RBM19: variants seen among roughly 807,000 people sequenced by gnomAD.
RBM19 encodes the protein probable RNA-binding protein 19.
RBM19 carries 94 observed loss-of-function variants against 116.8 expected under a neutral mutation model. The observed-to-expected ratio is 0.80, with a 90% CI of 0.68 to 0.95. RBM19 has a LOEUF of 0.95. Among genes scored for constraint, RBM19 ranks in the 40% least tolerant of loss-of-function variants. RBM19 has a pLI of 0.00. For synonymous variants in RBM19, 475 were observed against 494.1 expected (o/e 0.96, Z 0.51); for missense variants, 1,161 against 1,220.7 (o/e 0.95, Z 0.73).
At chr12:113,925,546 A>C (rs1159092947) in intron 17 of RBM19, among the ~76,000 whole-genome samples, 1 of 152,226 alleles carries the variant, frequency 6.6e-6, no homozygotes, top group African/African-American at 2.4e-5. Flanking sequence ...GCTGGGATCC[A>C]AGCCCAGGTA....
rs116222906 is a variant in RBM19, at chr12:113,883,074, C to T, written c.2559-24178G>A. Among the ~76,000 whole-genome samples, 1,271 of 152,080 alleles carry T rather than the reference C, an allele frequency of 8.4e-3. 13 individuals carry two copies. Among genetic ancestry groups the T allele is most frequent in the African/African-American group, 0.029 (1,214 of 41,470 alleles). On this transcript the variant is annotated intron_variant, in intron 21 of 23. Coordinates refer to ENST00000261741, the MANE Select transcript of RBM19 (RefSeq NM_016196.4). ...AGAGAGAGAGGGAAGGAGAGAGAGA[C>T]AGACAGAGAGAGGTTGTAGGGAACG... is the stretch of plus-strand genomic sequence containing the variant.
At chr12:113,828,837 G>A (rs547018562) in intron 23 of RBM19, among the ~76,000 whole-genome samples, 2 of 152,188 alleles carry the variant, frequency 1.3e-5, no homozygotes, top group East Asian at 1.9e-4. Flanking sequence ...CAGCCCCCAC[G>A]GGCAGAGCTC....
At chr12:113,933,474 G>A (rs1229933536) in intron 16 of RBM19, among the ~76,000 whole-genome samples, 2 of 152,196 alleles carry the variant, frequency 1.3e-5, no homozygotes, top group Non-Finnish European at 2.9e-5. Flanking sequence ...CGATGACGCG[G>A]GACACAGCGG....
At position 113,947,447 on chromosome 12, in the gene RBM19, G is replaced by A. The variant is rs766314371; in HGVS notation, c.1294C>T (p.His432Tyr). The A allele has an allele frequency of 6.2e-6, 10 of 1,606,384 alleles. 1 individual carries two copies. The South Asian group carries it at 9.9e-5, about 16-fold the overall frequency. ...FSKYGPLSELHYPIDSLTKKP... is the reference protein window; with the variant it reads ...FSKYGPLSELYYPIDSLTKKP... ...TTGGTCAGGCTGTCGATGGGGTAGTGGAGCTCAGACAGGGGACCTGAGGAC... is the reference window on the plus strand; with the variant it reads ...TTGGTCAGGCTGTCGATGGGGTAGTAGAGCTCAGACAGGGGACCTGAGGAC... Residue 432 changes from histidine to tyrosine, a missense_variant, in exon 11 of 24, where the codon CAC becomes TAC. Coordinates refer to ENST00000261741, the MANE Select transcript of RBM19 (RefSeq NM_016196.4).
At chr12:113,860,946 C>T (rs989194429) in intron 21 of RBM19, among the ~76,000 whole-genome samples, 1 of 152,156 alleles carries the variant, frequency 6.6e-6, no homozygotes, top group Non-Finnish European at 1.5e-5. Flanking sequence ...GACATTACCA[C>T]GGGTAAATTA....
intron 10 of RBM19, 124 bp from the exon 11 acceptor site, chr12:113,947,588 G>T: frequency 9.6e-7 from 1 of 1,043,968 alleles, no homozygotes; most frequent in Non-Finnish European, 1.3e-6. Flanking sequence ...AGTCCCCTAC[G>T]TGTGTCTATC....
intron 21 of RBM19, among the ~76,000 whole-genome samples, chr12:113,870,811 A>G (rs187411535): frequency 4.3e-4 from 66 of 152,288 alleles, no homozygotes; most frequent in African/African-American, 1.5e-3. Context: ...ACTGGTCAAG[A>G]GGAAGACATC....
At chr12:113,951,804 T>C (rs2135929134) in intron 8 of RBM19, among the ~76,000 whole-genome samples, 1 of 152,338 alleles carries the variant, frequency 6.6e-6, no homozygotes, top group South Asian at 2.1e-4. Context: ...TCCCCAGATG[T>C]CAGCCTAGGT....
intron 5 of RBM19, among the ~76,000 whole-genome samples, chr12:113,958,936 T>A (rs3825212): frequency 0.042 from 6,357 of 152,338 alleles, 330 homozygotes; most frequent in Admixed American, 0.15. Flanking sequence ...CATAGGGGAA[T>A]AAACCCTTCT....
rs759642567 is a variant in RBM19, at chr12:113,952,514, G to A, written c.998C>T (p.Thr333Ile). 2.2e-5 allele frequency: 36 copies of A among 1,612,720 alleles called. No homozygotes were observed. The Middle Eastern group carries it at 4.8e-3, about 214-fold the overall frequency. Residue 333 changes from threonine (T) to isoleucine (I), a missense_variant and splice_region_variant, in exon 8 of 24, where the codon ACA (threonine) becomes ATA (isoleucine). By Grantham distance (89) the Thr-to-Ile change is moderately conservative. Transcript: ENST00000261741. ...CCTGGAAACATCCTGGATCTTACCT[G>A]TTTTATTCCCATGAGCGTTTCTCAC... ...RIVRNAHGNK[T>I]GYIFVDFSNE...
chr12:113,964,812 G>T (rs1872739386), intron 1 of RBM19, among the ~76,000 whole-genome samples: 1 of 152,032 alleles, frequency 6.6e-6, no homozygotes, highest in Non-Finnish European at 1.5e-5. Context: ...CAATGAAGAT[G>T]GTTACTCCTG....
At chr12:113,959,457 A>G in intron 4 of RBM19, 53 bp from the exon 5 acceptor site, 1 of 1,550,390 alleles carries the variant, frequency 6.4e-7, no homozygotes, top group South Asian at 1.2e-5. Context: ...AGAGAGGAAG[A>G]GGCAGAGAAG....
intron 21 of RBM19, among the ~76,000 whole-genome samples, chr12:113,869,722 A>C (rs948756209): frequency 2.0e-4 from 30 of 152,338 alleles, no homozygotes; most frequent in African/African-American, 7.0e-4. Context: ...TAAAGAGGAA[A>C]AAAAAAACCC....
intron 23 of RBM19, among the ~76,000 whole-genome samples, chr12:113,823,624 G>A (rs142847749): frequency 2.0e-5 from 3 of 152,210 alleles, no homozygotes; most frequent in South Asian, 2.1e-4. Context: ...TCACCATGGC[G>A]GGGCTGCCTC....
At chr12:113,857,819 C>T (rs1878024922) in intron 22 of RBM19, among the ~76,000 whole-genome samples, 2 of 152,236 alleles carry the variant, frequency 1.3e-5, no homozygotes, top group African/African-American at 4.8e-5. Flanking sequence ...GCTGACCCAC[C>T]CCCTGGGCCT....
intron 23 of RBM19, among the ~76,000 whole-genome samples, chr12:113,824,101 G>A (rs1874650375): frequency 6.6e-6 from 1 of 152,164 alleles, no homozygotes; most frequent in African/African-American, 2.4e-5. Flanking sequence ...AGGGCATGGT[G>A]GGCTTAGCCC....
intron 23 of RBM19, among the ~76,000 whole-genome samples, chr12:113,835,165 T>C (rs1037531633): frequency 6.6e-6 from 1 of 152,102 alleles, no homozygotes; most frequent in African/African-American, 2.4e-5. Flanking sequence ...TCCTTCCTTG[T>C]GGGGTGACTG....
intron 2 of RBM19, among the ~76,000 whole-genome samples, chr12:113,961,441 A>T (rs950278023): frequency 6.6e-6 from 1 of 152,196 alleles, no homozygotes; most frequent in African/African-American, 2.4e-5. Flanking sequence ...GTTAAAAAAG[A>T]TGTACTCCAA....
At position 113,946,392 on chromosome 12, in the gene RBM19, CT is replaced by C. The variant is rs951696824; in HGVS notation, c.1490del (p.Lys497ArgfsTer72). ...CTTTGTCCTGGGCCTCCTTCTTCTTCTTGTAGGACGACGATCCCAGGGCACT... is the reference window on the plus strand; with the variant it reads ...CTTTGTCCTGGGCCTCCTTCTTCTTCTGTAGGACGACGATCCCAGGGCACT... ...DASALGSSSY[K>X]KKKEAQDKAN... is the part of the protein sequence containing the mutation. On this transcript the variant is annotated frameshift_variant, in exon 12 of 24. Coordinates refer to ENST00000261741, the MANE Select transcript of RBM19 (RefSeq NM_016196.4). LOFTEE classifies it high-confidence loss of function. 6.2e-7 allele frequency: 1 copy of C among 1,614,078 alleles called. No homozygotes were observed. The highest frequency in any genetic ancestry group is 8.5e-7 in the Non-Finnish European group (1 of 1,180,002).
Sources: gnomAD v4.1 joint callset for allele counts (sites outside exome capture counted in the v4.1 genomes callset) on GRCh38, gnomAD v4.1.1 for gene constraint, MANE v1.5 for transcripts, NCBI Gene and HGNC (gene_info 2026-07-23, HGNC 2026-07-21) for gene names.